The following CLSTN3 variants were observed in gnomAD, a reference collection of about 807,000 sequenced individuals.
CLSTN3 encodes the protein calsyntenin 3, also known as calsyntenin-3.
In CLSTN3, 36 loss-of-function variants were observed where a neutral mutation model predicts 95.9. The ratio of observed to expected loss-of-function variants is 0.38; its 90% CI spans 0.29 to 0.50. The LOEUF (loss-of-function observed/expected upper bound fraction) is 0.50, where lower values mean the gene tolerates loss of function less well. Among genes scored for constraint, CLSTN3 ranks in the 20% least tolerant of loss-of-function variants. The pLI, the probability that CLSTN3 is intolerant of heterozygous loss-of-function variation, is 0.95. For synonymous variants in CLSTN3, 481 were observed against 504.0 expected (o/e 0.95, Z 0.61); for missense variants, 1,084 against 1,268.8 (o/e 0.85, Z 2.21).
intron 10 of CLSTN3, 69 bp from the exon 11 acceptor site, chr12:7,142,800 C>G (rs753506381): frequency 1.5e-6 from 2 of 1,341,942 alleles, no homozygotes; most frequent in South Asian, 2.3e-5. Context: ...TTCCCTTTCT[C>G]TCAGCCTTCG....
chr12:7,145,274 C>T (rs1249785390), intron 12 of CLSTN3, among the ~76,000 whole-genome samples: 1 of 152,158 alleles, frequency 6.6e-6, no homozygotes, highest in Non-Finnish European at 1.5e-5. Context: ...TTTCATTTCT[C>T]CATTTCTAAG....
chr12:7,150,572 G>C lies in CLSTN3; in HGVS notation c.2274G>C (p.Glu758Asp), dbSNP rs1565653754. The C allele has an allele frequency of 1.2e-6, 2 of 1,614,012 alleles. No individual in the cohort carries two copies. Among genetic ancestry groups the C allele is most frequent in the Non-Finnish European group, 1.7e-6 (2 of 1,179,930 alleles). ...AGVESITVYE[E>D]ILRQARYRLR... is the part of the protein sequence containing the mutation. ...TGGAGAGCATCACTGTGTATGAAGA[G>C]ATCCTGAGGCAGGCTCGTTATCGGC... Residue 758 changes from glutamate (E) to aspartate (D), a missense_variant, in exon 15 of 18, where the codon GAG becomes GAC. Coordinates refer to ENST00000266546, the MANE Select transcript of CLSTN3 (RefSeq NM_014718.4). This position sits in a 1 kb window ranked among gnomAD's most constrained non-coding sequence, Gnocchi z 4.0.
Position 7,130,546 on chromosome 12 carries a change from G to T in CLSTN3, c.-103G>T. 6.5e-7 allele frequency: 1 copy of T among 1,545,866 alleles called. No individual in the cohort carries two copies. Among genetic ancestry groups the T allele is most frequent in the South Asian group, 1.2e-5 (1 of 83,938 alleles). On this transcript the variant is annotated 5_prime_UTR_variant, in exon 1 of 18. Transcript: ENST00000266546. ...TTCCGTCCCTGCCCTGCTGTACCCC[G>T]CTCCTTGGAGACCCCCTGTATCCCT...
chr12:7,132,908 G>A (rs768183434), intron 1 of CLSTN3, 116 bp from the exon 2 acceptor site: 2 of 1,408,610 alleles, frequency 1.4e-6, no homozygotes, highest in Non-Finnish European at 2.0e-6. Context: ...TGCTCCTATA[G>A]GGGGTGGAAA....
Position 7,142,864 on chromosome 12 carries a change from C to A in CLSTN3, c.1541-5C>A, listed in dbSNP as rs1255557149. 6.2e-7 allele frequency: 1 copy of A among 1,613,868 alleles called. No homozygotes were observed. The highest frequency in any genetic ancestry group is 1.7e-5 in the Admixed American group (1 of 60,004). ...TCCCGTCCTGCTCCTGTGTTCCTAC[C>A]CTAGGAGACCCTTTGTCGATCCACC... On this transcript the variant is annotated splice_region_variant and splice_polypyrimidine_tract_variant and intron_variant, in intron 10 of 17. Coordinates refer to ENST00000266546, the MANE Select transcript of CLSTN3 (RefSeq NM_014718.4).
chr12:7,135,898 A>G lies in CLSTN3; in HGVS notation c.687A>G (p.Ala229=), dbSNP rs1304690275. The change falls in exon 5 of 18, where the codon GCA becomes GCG. Residue 229 remains alanine (A), a synonymous_variant. Coordinates refer to ENST00000266546, the MANE Select transcript of CLSTN3 (RefSeq NM_014718.4). ...ATGACTGTGGGAAGAAGCGGGCAGC[A>G]GATGATGCTGAGGTGGAGATTCAGG... ...TAYDCGKKRA[A]DDAEVEIQVK... The G allele has an allele frequency of 3.1e-6, 5 of 1,614,026 alleles. No individual in the cohort carries two copies. Among genetic ancestry groups the G allele is most frequent in the African/African-American group, 1.3e-5 (1 of 74,942 alleles).
chr12:7,142,153 A>G lies in CLSTN3; in HGVS notation c.1540+14A>G, dbSNP rs773130994. The G allele has an allele frequency of 3.1e-6, 5 of 1,599,856 alleles. No homozygotes were observed. The highest frequency in any genetic ancestry group is 4.5e-5 in the East Asian group (2 of 44,784). ...ACACCACCCAAGGTACTCCGTGTGT[A>G]AGAACTGGAGACCAGAGAGTTCTCA... On this transcript the variant is annotated intron_variant, in intron 10 of 17. Transcript: ENST00000266546.
At chr12:7,153,067 G>A (rs752761371) in intron 16 of CLSTN3, among the ~76,000 whole-genome samples, 1 of 152,184 alleles carries the variant, frequency 6.6e-6, no homozygotes, top group South Asian at 2.1e-4. Context: ...CTTGTGCAAC[G>A]GCCACCACCT....
At chr12:7,130,311 CCT>C (rs201157141), upstream of CLSTN3, 241,886 of 667,104 alleles carry the variant, frequency 0.36, 28,572 homozygotes, top group Non-Finnish European at 0.4. Flanking sequence ...GGTCCCCCCC[CCT>C]CCCAGTCACC....
chr12:7,135,473 A>G lies in CLSTN3; in HGVS notation c.530A>G (p.Tyr177Cys). The change falls in exon 4 of 18, where the codon TAC becomes TGC. Residue 177 changes from tyrosine to cysteine, a missense_variant. Physicochemically the swap from Tyr to Cys is radical, Grantham distance 194. Coordinates refer to ENST00000266546, the MANE Select transcript of CLSTN3 (RefSeq NM_014718.4). Reference protein sequence around the residue: ...EAIDGDCSPQYSQICYYEILT... With the variant: ...EAIDGDCSPQCSQICYYEILT... The stretch of plus-strand genomic sequence containing the variant: ...ATTGACGGTGACTGCTCCCCCCAGT[A>G]CAGCCAGATCTGCTACTATGAGATT... 6.2e-7 allele frequency: 1 copy of G among 1,614,100 alleles called. No homozygotes were observed. The highest frequency in any genetic ancestry group is 8.5e-7 in the Non-Finnish European group (1 of 1,180,012).
chr12:7,147,287 C>A (rs1369075426), intron 12 of CLSTN3, among the ~76,000 whole-genome samples: 3 of 149,774 alleles, frequency 2.0e-5, no homozygotes, highest in Non-Finnish European at 3.0e-5. Flanking sequence ...GTGGTCCCAG[C>A]TCCTCAGGAG....
At position 7,133,436 on chromosome 12, in the gene CLSTN3, G is replaced by A. The variant is rs2135794329; in HGVS notation, c.188-137G>A. On this transcript the variant is annotated intron_variant, in intron 2 of 17. Coordinates refer to ENST00000266546, the MANE Select transcript of CLSTN3 (RefSeq NM_014718.4). The surrounding 1 kb of genome is among the most constrained non-coding windows in gnomAD (Gnocchi z 4.7). The stretch of plus-strand genomic sequence containing the variant: ...AAGCTGGGCTTAGAGTTGCGTGTTT[G>A]ATCATTAATGCTTTTGTGCCTACAG... The A allele has an allele frequency of 1.1e-6, 1 of 883,512 alleles. No individual in the cohort carries two copies. Among genetic ancestry groups the A allele is most frequent in the Non-Finnish European group, 1.7e-6 (1 of 576,004 alleles). The allele number at this position is 883,512 out of a possible 1,614,324, so 54.7% of individuals were successfully genotyped here.
upstream of CLSTN3, chr12:7,130,332 C>T: frequency 8.7e-7 from 1 of 1,147,914 alleles, no homozygotes; most frequent in South Asian, 1.8e-5. Context: ...CCTGATTGGC[C>T]GGCGGCCCCA....
At position 7,136,954 on chromosome 12, in the gene CLSTN3, G is replaced by A. The variant is rs1939437033; in HGVS notation, c.1054G>A (p.Val352Met). Reference sequence around the variant, plus strand: ...CTACTGGTTCAATGGCACCCAGGCTGTGCAGGTGCCCCTGGGTGGCCCCAG... The same window carrying A: ...CTACTGGTTCAATGGCACCCAGGCTATGCAGGTGCCCCTGGGTGGCCCCAG... ...LIYWFNGTQA[V>M]QVPLGGPSGL... Residue 352 changes from valine to methionine, a missense_variant, in exon 7 of 18, where the codon GTG becomes ATG. Transcript: ENST00000266546. 2 of 1,614,098 alleles carry A rather than the reference G, an allele frequency of 1.2e-6. No homozygotes were observed. Among genetic ancestry groups the A allele is most frequent in the African/African-American group, 1.3e-5 (1 of 74,948 alleles).
At chr12:7,147,030 A>G (rs1939631640) in intron 12 of CLSTN3, among the ~76,000 whole-genome samples, 1 of 152,120 alleles carries the variant, frequency 6.6e-6, no homozygotes, top group Admixed American at 6.5e-5. Context: ...TTACTCCAGC[A>G]TTCAAGCTGG....
intron 16 of CLSTN3, chr12:7,156,036 A>C: frequency 5.6e-6 from 2 of 354,060 alleles, no homozygotes; most frequent in South Asian, 4.2e-5. Flanking sequence ...GGCTGTAGGT[A>C]ATTTGCGGAC....
At chr12:7,131,407 G>C (rs939999534) in intron 1 of CLSTN3, 1 of 220,126 alleles carries the variant, frequency 4.5e-6, no homozygotes, top group Non-Finnish European at 9.3e-6. Context: ...TGGGTGTGTG[G>C]GGGGCGCTAA....
Position 7,157,898 on chromosome 12 carries a change from T to C in CLSTN3, c.2731-43T>C, listed in dbSNP as rs1466616555. 6.5e-7 allele frequency: 1 copy of C among 1,546,388 alleles called. No homozygotes were observed. Among genetic ancestry groups the C allele is most frequent in the Non-Finnish European group, 8.7e-7 (1 of 1,146,706 alleles). On this transcript the variant is annotated intron_variant, in intron 17 of 17. Coordinates refer to ENST00000266546, the MANE Select transcript of CLSTN3 (RefSeq NM_014718.4). This position sits in a 1 kb window ranked among gnomAD's most constrained non-coding sequence, Gnocchi z 5.9. The stretch of plus-strand genomic sequence containing the variant: ...TCCCTGAAAGAGAGGCTGGGATGTG[T>C]GCAGGCCATTGATCCCTTCTCCTCT...
Position 7,158,098 on chromosome 12 carries a change from C to T in CLSTN3, c.*17C>T. ...CGCTACTAAGGCCTACACCTCTCCC[C>T]ACGCAGAGGGGGAATTCTGCCCTGG... is the stretch of plus-strand genomic sequence containing the variant. On this transcript the variant is annotated 3_prime_UTR_variant, in exon 18 of 18. Transcript: ENST00000266546. The T allele has an allele frequency of 1.3e-6, 2 of 1,487,578 alleles. No homozygotes were observed. The highest frequency in any genetic ancestry group is 2.5e-5 in the East Asian group (1 of 39,996). 92.1% of individuals were successfully genotyped at this position (1,487,578 alleles called of 1,614,324 possible). A position where few individuals can be genotyped will look rare whatever the true frequency, so the allele number is the denominator to read the frequency against.
Sources: allele counts gnomAD v4.1 joint callset (sites outside exome capture counted in the v4.1 genomes callset), GRCh38; gene constraint gnomAD v4.1.1; non-coding constraint Gnocchi (gnomAD v3.1); transcripts MANE v1.5; gene names NCBI Gene and HGNC (gene_info 2026-07-23, HGNC 2026-07-21).